The following STK39 variants were observed in gnomAD, a reference collection of about 807,000 sequenced individuals.
The protein encoded by STK39 is serine/threonine kinase 39.
In STK39, 20 loss-of-function variants were observed where a neutral mutation model predicts 77.8. The observed-to-expected ratio is 0.26, with a 90% CI of 0.18 to 0.37. The LOEUF (loss-of-function observed/expected upper bound fraction) is 0.37, where lower values mean the gene tolerates loss of function less well. STK39 is among the 10% of genes least tolerant of loss of function. STK39 has a pLI of 1.00. For synonymous variants in STK39, 246 were observed against 234.1 expected (o/e 1.05, Z -0.47); for missense variants, 479 against 656.5 (o/e 0.73, Z 2.95).
chr2:167,994,013 G>A (rs1683767655), intron 16 of STK39, among the ~76,000 whole-genome samples: 1 of 152,140 alleles, frequency 6.6e-6, no homozygotes, highest in Non-Finnish European at 1.5e-5. Context: ...TCTCCTTAAA[G>A]GAAAACTTTC....
chr2:168,197,380 C>T (rs946749860), intron 1 of STK39, among the ~76,000 whole-genome samples: 4 of 152,150 alleles, frequency 2.6e-5, no homozygotes, highest in Non-Finnish European at 5.9e-5. Flanking sequence ...ACCCTGCCAA[C>T]GCTGGCCCAT....
At chr2:168,094,908 G>A (rs1686622290) in intron 10 of STK39, among the ~76,000 whole-genome samples, 2 of 152,122 alleles carry the variant, frequency 1.3e-5, no homozygotes, top group South Asian at 4.1e-4. Flanking sequence ...TTCAGAAAAG[G>A]TACTACCATC....
rs186741129 is a variant in STK39, at chr2:168,129,519, C to T, written c.1089+22G>A. On this transcript the variant is annotated intron_variant, in intron 10 of 17. Coordinates refer to ENST00000355999, the MANE Select transcript of STK39 (RefSeq NM_013233.3). ...CCCTGGGGATTGGTTCCTACAGGGT[C>T]ATGAAGGCTAATGGCACTTACCTTT... is the stretch of plus-strand genomic sequence containing the variant. 2.9e-5 allele frequency: 47 copies of T among 1,613,808 alleles called. No individual in the cohort carries two copies. In the East Asian group the frequency reaches 1.0e-3, roughly 35 times the overall value.
chr2:168,099,405 A>C (rs890136075), intron 10 of STK39, among the ~76,000 whole-genome samples: 2 of 152,238 alleles, frequency 1.3e-5, no homozygotes, highest in Non-Finnish European at 2.9e-5. Flanking sequence ...AATGTTTATT[A>C]CCAAGTGGCT....
At chr2:168,149,839 G>C (rs1188972808) in intron 5 of STK39, among the ~76,000 whole-genome samples, 2 of 152,326 alleles carry the variant, frequency 1.3e-5, no homozygotes, top group East Asian at 3.9e-4. Context: ...ACTGCAAGAA[G>C]AATCTAATTC....
At position 168,157,517 on chromosome 2, in the gene STK39, G is replaced by T. The variant is rs566847094; in HGVS notation, c.628+4270C>A. Among the ~76,000 whole-genome samples the T allele has an allele frequency of 2.0e-5, 3 of 152,254 alleles. No individual in the cohort carries two copies. The East Asian group carries it at 5.8e-4, about 29-fold the overall frequency. ...TTATCACAGTTCTGCAGGCTGGGAA[G>T]TCCAAGATTATGGCATCGGCAGATT... On this transcript the variant is annotated intron_variant, in intron 5 of 17. Transcript: ENST00000355999.
chr2:168,166,563 C>T (rs1365700390), intron 3 of STK39, among the ~76,000 whole-genome samples: 2 of 152,188 alleles, frequency 1.3e-5, no homozygotes, highest in South Asian at 4.1e-4. Context: ...TTAGTGAGCA[C>T]CTACTGGGCG....
chr2:168,065,937 A>G (rs533903022), intron 12 of STK39, among the ~76,000 whole-genome samples: 56 of 152,216 alleles, frequency 3.7e-4, no homozygotes, highest in Non-Finnish European at 7.4e-4. Context: ...TAGAAACCCA[A>G]CTCTAAGGTT....
chr2:168,033,190 C>A (rs986124527), intron 14 of STK39, among the ~76,000 whole-genome samples: 5 of 151,860 alleles, frequency 3.3e-5, no homozygotes, highest in African/African-American at 1.2e-4. Flanking sequence ...GACAACATTT[C>A]TAGGTACGGA....
intron 16 of STK39, among the ~76,000 whole-genome samples, chr2:167,999,222 C>A (rs980795621): frequency 6.6e-6 from 1 of 152,234 alleles, no homozygotes; most frequent in Non-Finnish European, 1.5e-5. Context: ...CTCAGAGGGG[C>A]TTCCCCTGCT....
chr2:168,150,255 T>A (rs1291743797), intron 5 of STK39, among the ~76,000 whole-genome samples: 3 of 152,124 alleles, frequency 2.0e-5, no homozygotes, highest in Non-Finnish European at 4.4e-5. Context: ...CGAGGAAGCG[T>A]AGCAGGAAAA....
chr2:167,960,726 C>T (rs1215394364), intron 17 of STK39, among the ~76,000 whole-genome samples: 3 of 152,086 alleles, frequency 2.0e-5, no homozygotes, highest in Non-Finnish European at 4.4e-5. Context: ...TGCCTCCACC[C>T]CAAATGCGGG....
chr2:168,056,603 G>A (rs1345542415), intron 14 of STK39, among the ~76,000 whole-genome samples: 5 of 152,098 alleles, frequency 3.3e-5, no homozygotes, highest in Admixed American at 6.5e-5. Flanking sequence ...CCCAATACCC[G>A]GCAGCCACGC....
chr2:168,024,463 G>A (rs1400212101), intron 14 of STK39, among the ~76,000 whole-genome samples: 2 of 152,154 alleles, frequency 1.3e-5, no homozygotes, highest in Admixed American at 6.6e-5. Context: ...TAGGTCATGA[G>A]GGCGCCACCC....
intron 2 of STK39, among the ~76,000 whole-genome samples, chr2:168,168,014 G>C (rs919806468): frequency 6.6e-6 from 1 of 152,248 alleles, no homozygotes; most frequent in South Asian, 2.1e-4. Flanking sequence ...AAATAAGCTT[G>C]GGAAAGATCA....
intron 14 of STK39, among the ~76,000 whole-genome samples, chr2:168,035,037 C>A (rs576849608): frequency 1.3e-5 from 2 of 152,156 alleles, no homozygotes; most frequent in Admixed American, 6.5e-5. Flanking sequence ...ACTGCCAAAC[C>A]GCCATGTATT....
chr2:168,163,396 C>T (rs59255845), intron 4 of STK39, among the ~76,000 whole-genome samples: 14,056 of 152,134 alleles, frequency 0.092, 1,216 homozygotes, highest in East Asian at 0.31. Context: ...TTAAATGAGT[C>T]CATGTAGTCC....
At chr2:168,235,013 G>C (rs1295753720) in intron 1 of STK39, among the ~76,000 whole-genome samples, 1 of 149,958 alleles carries the variant, frequency 6.7e-6, no homozygotes. Context: ...AATTTTAGTA[G>C]TACCTTAAAA....
At chr2:168,085,509 TG>T (rs1686342372) in intron 10 of STK39, among the ~76,000 whole-genome samples, 1 of 152,246 alleles carries the variant, frequency 6.6e-6, no homozygotes. Context: ...GCTGTGCCCA[TG>T]GCACCAGTCC....
Sources: gnomAD v4.1 joint callset for allele counts (sites outside exome capture counted in the v4.1 genomes callset) on GRCh38, gnomAD v4.1.1 for gene constraint, MANE v1.5 for transcripts, NCBI Gene and HGNC (gene_info 2026-07-23, HGNC 2026-07-21) for gene names.